RIMS2: variants seen among roughly 807,000 people sequenced by gnomAD.
RIMS2 encodes regulating synaptic membrane exocytosis 2.
A neutral mutation model predicts 174.4 loss-of-function variants in RIMS2; 59 were observed. The ratio of observed to expected loss-of-function variants is 0.34; its 90% CI spans 0.27 to 0.42. The LOEUF (loss-of-function observed/expected upper bound fraction) is 0.42. RIMS2 is among the 10% of genes least tolerant of loss of function. RIMS2 has a pLI of 1.00. For missense variants in RIMS2, 1,620 were observed against 1,666.3 expected (o/e 0.97, Z 0.48); for synonymous variants, 606 against 572.5 (o/e 1.06, Z -0.84).
At chr8:103,852,565 C>T (rs1164381741) in intron 3 of RIMS2, among the ~76,000 whole-genome samples, 3 of 151,724 alleles carry the variant, frequency 2.0e-5, no homozygotes, top group East Asian at 1.9e-4. Flanking sequence ...CTCTCCCTCC[C>T]GCCTCAAGTG....
intron 3 of RIMS2, among the ~76,000 whole-genome samples, chr8:103,854,212 A>AT (rs1204096501): frequency 6.6e-5 from 10 of 152,062 alleles, no homozygotes; most frequent in Non-Finnish European, 1.0e-4. Context: ...AATATGACTA[A>AT]TTTTTTACAT....
chr8:104,189,665 T>C (rs1352072000), intron 19 of RIMS2, among the ~76,000 whole-genome samples: 1 of 149,806 alleles, frequency 6.7e-6, no homozygotes, highest in Non-Finnish European at 1.5e-5. Flanking sequence ...CAAATGTATA[T>C]ATAGTCTCTC....
At chr8:104,058,874 T>A (rs377560858) in intron 19 of RIMS2, among the ~76,000 whole-genome samples, 2 of 152,122 alleles carry the variant, frequency 1.3e-5, no homozygotes, top group African/African-American at 2.4e-5. Flanking sequence ...AGATCAGATA[T>A]TTGTAGATAT....
intron 2 of RIMS2, among the ~76,000 whole-genome samples, chr8:103,709,532 G>A (rs1026203088): frequency 6.6e-6 from 1 of 151,958 alleles, no homozygotes; most frequent in East Asian, 1.9e-4. Flanking sequence ...AGGTATATTT[G>A]GAGCAATGCT....
At position 104,244,900 on chromosome 8, in the gene RIMS2, G is replaced by T. The variant is rs1424426220; in HGVS notation, c.3335-16G>T. 2 of 1,607,686 alleles carry T rather than the reference G, an allele frequency of 1.2e-6. No homozygotes were observed. Among genetic ancestry groups the T allele is most frequent in the Middle Eastern group, 1.7e-4 (1 of 6,020 alleles). The stretch of plus-strand genomic sequence containing the variant: ...TGATTACAAAGCTGTTACACTTTTT[G>T]TTTCTATCTCTGCAGAAGCAGGAGG... On this transcript the variant is annotated splice_polypyrimidine_tract_variant and intron_variant, in intron 19 of 23. Transcript: ENST00000504942.
At chr8:103,561,222 C>T (rs2091536090) in intron 1 of RIMS2, among the ~76,000 whole-genome samples, 1 of 148,738 alleles carries the variant, frequency 6.7e-6, no homozygotes, top group African/African-American at 2.5e-5. Context: ...TTAGTATGGG[C>T]TTAACAAAGA....
At chr8:103,778,611 A>G (rs1402293512) in intron 3 of RIMS2, among the ~76,000 whole-genome samples, 2 of 152,148 alleles carry the variant, frequency 1.3e-5, no homozygotes, top group African/African-American at 4.8e-5. Context: ...TGGCCAAATA[A>G]TATTCCATTC....
At chr8:103,922,336 A>G (rs1036124315) in intron 10 of RIMS2, among the ~76,000 whole-genome samples, 1 of 151,948 alleles carries the variant, frequency 6.6e-6, no homozygotes, top group Non-Finnish European at 1.5e-5. Context: ...AACTTTGCAC[A>G]TTAAGTGATC....
intron 19 of RIMS2, among the ~76,000 whole-genome samples, chr8:104,242,380 C>T (rs2099305235): frequency 6.6e-6 from 1 of 152,154 alleles, no homozygotes; most frequent in Non-Finnish European, 1.5e-5. Context: ...TTTCTAATCT[C>T]ATCTAATGTC....
At chr8:103,876,920 C>CACACACA (rs1565063527) in intron 3 of RIMS2, among the ~76,000 whole-genome samples, 24 of 62,736 alleles carry the variant, frequency 3.8e-4, no homozygotes, top group Non-Finnish European at 5.9e-4. Context: ...ACACACACAC[C>CACACACA]CCCATATACA....
rs939453353 is a variant in RIMS2, at chr8:104,119,811, T to A, written c.3334+105196T>A. On this transcript the variant is annotated intron_variant, in intron 19 of 23. Transcript: ENST00000504942. The stretch of plus-strand genomic sequence containing the variant: ...GCAGTCTCACTCAAAATAAAAGTCG[T>A]GGTAACTGAAAAATTACACTAGAAC... Among the ~76,000 whole-genome samples, 7 of 152,186 alleles carry A rather than the reference T, an allele frequency of 4.6e-5. No individual in the cohort carries two copies. The South Asian group carries it at 1.4e-3, about 32-fold the overall frequency.
chr8:103,760,502 G>A (rs2098098751), intron 2 of RIMS2, among the ~76,000 whole-genome samples: 1 of 152,198 alleles, frequency 6.6e-6, no homozygotes, highest in African/African-American at 2.4e-5. Flanking sequence ...GCTGGGTGAG[G>A]GCTTGTAGTT....
At chr8:104,243,425 A>G (rs1243569630) in intron 19 of RIMS2, among the ~76,000 whole-genome samples, 1 of 152,292 alleles carries the variant, frequency 6.6e-6, no homozygotes, top group Non-Finnish European at 1.5e-5. Context: ...GATGGCTCAC[A>G]CCTGTAATCC....
upstream of RIMS2, chr8:103,500,614 C>A (rs991280084): frequency 8.4e-6 from 3 of 355,996 alleles, no homozygotes; most frequent in African/African-American, 4.2e-5. Flanking sequence ...GCCTCCAGTT[C>A]CCCTTTCCCT....
intron 3 of RIMS2, among the ~76,000 whole-genome samples, chr8:103,776,066 A>T (rs1377554764): frequency 2.6e-5 from 4 of 152,118 alleles, no homozygotes; most frequent in Admixed American, 2.6e-4. Context: ...GTATTTTATT[A>T]AGAGTTGCAT....
chr8:103,793,982 A>C (rs1305817854), intron 3 of RIMS2, among the ~76,000 whole-genome samples: 2 of 152,230 alleles, frequency 1.3e-5, no homozygotes, highest in Non-Finnish European at 2.9e-5. Context: ...AGGAAGAATC[A>C]ATATCGTGAA....
chr8:103,742,562 A>G (rs2097771898), intron 2 of RIMS2, among the ~76,000 whole-genome samples: 1 of 152,174 alleles, frequency 6.6e-6, no homozygotes, highest in Non-Finnish European at 1.5e-5. Context: ...AGCAGACGCA[A>G]TAACCCTTTT....
intron 3 of RIMS2, among the ~76,000 whole-genome samples, chr8:103,790,139 C>T (rs1369889542): frequency 6.6e-6 from 1 of 152,162 alleles, no homozygotes; most frequent in Non-Finnish European, 1.5e-5. Flanking sequence ...TTAACCCTTA[C>T]AAATGTACAC....
At chr8:103,973,139 T>A (rs1443868371) in intron 15 of RIMS2, among the ~76,000 whole-genome samples, 1 of 152,234 alleles carries the variant, frequency 6.6e-6, no homozygotes, top group Non-Finnish European at 1.5e-5. Context: ...AGCTTCATTT[T>A]CCTAAAGTAT....
Sources: allele counts gnomAD v4.1 joint callset (sites outside exome capture counted in the v4.1 genomes callset), GRCh38; gene constraint gnomAD v4.1.1; transcripts MANE v1.5; gene names NCBI Gene and HGNC (gene_info 2026-07-23, HGNC 2026-07-21).